The following ZNF609 variants were observed in gnomAD, a reference collection of about 807,000 sequenced individuals.
ZNF609 encodes zinc finger protein 609.
ZNF609 carries 11 observed loss-of-function variants against 109.5 expected under a neutral mutation model. The observed-to-expected ratio is 0.10, with a 90% CI of 0.06 to 0.17. The LOEUF (loss-of-function observed/expected upper bound fraction) is 0.17. ZNF609 is among the 10% of genes least tolerant of loss of function. The pLI is 1.00. For missense variants in ZNF609, 1,559 were observed against 1,772.4 expected (o/e 0.88, Z 2.16); for synonymous variants, 646 against 662.0 (o/e 0.98, Z 0.37).
chr15:64,529,720 G>A, intron 2 of ZNF609: 2 of 652,482 alleles, frequency 3.1e-6, no homozygotes, highest in Non-Finnish European at 5.7e-6. Context: ...GTGGCTGTCT[G>A]TCGAACAGGA....
intron 1 of ZNF609, among the ~76,000 whole-genome samples, chr15:64,483,566 A>T (rs999199084): frequency 6.6e-6 from 1 of 151,728 alleles, no homozygotes; most frequent in Non-Finnish European, 1.5e-5. Flanking sequence ...TTCTTATTTT[A>T]GTAGAGACAA....
rs376611348 is a variant in ZNF609, at chr15:64,673,951, G to A, written c.1097G>A (p.Arg366His). The change falls in exon 5 of 10, where the codon CGC becomes CAC. Residue 366 changes from arginine (R) to histidine (H), a missense_variant. Coordinates refer to ENST00000326648, the MANE Select transcript of ZNF609 (RefSeq NM_015042.2). The part of the protein sequence containing the change: ...CDSPTSDLEM[R>H]NGRGRGKRMR... ...TCCCCGACCAGTGACCTGGAAATGC[G>A]CAATGGCCGGGGTAGAGGCAAACGC... The A allele has an allele frequency of 3.1e-6, 5 of 1,613,114 alleles. No individual in the cohort carries two copies. Among genetic ancestry groups the A allele is most frequent in the East Asian group, 4.5e-5 (2 of 44,858 alleles).
At chr15:64,506,723 G>GAA (rs5813307) in intron 2 of ZNF609, among the ~76,000 whole-genome samples, 288 of 146,102 alleles carry the variant, frequency 2.0e-3, no homozygotes, top group Middle Eastern at 3.5e-3. Context: ...TCTGTCTCAA[G>GAA]AAAAAAAAAA....
At chr15:64,525,968 T>C (rs1893962565) in intron 2 of ZNF609, among the ~76,000 whole-genome samples, 1 of 152,084 alleles carries the variant, frequency 6.6e-6, no homozygotes, top group Non-Finnish European at 1.5e-5. Flanking sequence ...TTTTGTATTT[T>C]TAGTAGAGCT....
chr15:64,651,357 A>G (rs1194311548), intron 3 of ZNF609, among the ~76,000 whole-genome samples: 1 of 152,188 alleles, frequency 6.6e-6, no homozygotes, highest in African/African-American at 2.4e-5. Flanking sequence ...ATACCACAAA[A>G]CAGCATAAGA....
chr15:64,474,856 G>A (rs1360829522), intron 1 of ZNF609, among the ~76,000 whole-genome samples: 2 of 152,086 alleles, frequency 1.3e-5, no homozygotes, highest in Non-Finnish European at 2.9e-5. Flanking sequence ...AATCTTCGAT[G>A]GTTCCCATTG....
chr15:64,557,194 T>C (rs1894603938), intron 2 of ZNF609, among the ~76,000 whole-genome samples: 2 of 151,168 alleles, frequency 1.3e-5, no homozygotes, highest in Non-Finnish European at 1.5e-5. Flanking sequence ...ATTCTTCTTT[T>C]TTTTTTTTTT....
intron 2 of ZNF609, among the ~76,000 whole-genome samples, chr15:64,507,936 A>C (rs1424157702): frequency 1.3e-5 from 2 of 152,236 alleles, no homozygotes; most frequent in African/African-American, 4.8e-5. Flanking sequence ...GAGCACCCAC[A>C]GAAGAACCTT....
chr15:64,569,923 G>A (rs900960940), intron 2 of ZNF609, among the ~76,000 whole-genome samples: 1 of 152,174 alleles, frequency 6.6e-6, no homozygotes, highest in African/African-American at 2.4e-5. Context: ...TCTTTCTGGT[G>A]TATTTTTTTA....
At position 64,617,958 on chromosome 15, in the gene ZNF609, G is replaced by A. The variant is rs529537934; in HGVS notation, c.748-4869G>A. On this transcript the variant is annotated intron_variant, in intron 2 of 9. Transcript: ENST00000326648. ...TGATGGCACTTCTTAGCATTTCAAAGACTGAGAATTAGCTTAACTTTTGTT... is the reference window on the plus strand; with the variant it reads ...TGATGGCACTTCTTAGCATTTCAAAAACTGAGAATTAGCTTAACTTTTGTT... Among the ~76,000 whole-genome samples, 5 of 152,226 alleles carry A rather than the reference G, an allele frequency of 3.3e-5. No individual in the cohort carries two copies. In the East Asian group the frequency reaches 7.7e-4, roughly 24 times the overall value.
chr15:64,546,878 C>A (rs1314996661), intron 2 of ZNF609, among the ~76,000 whole-genome samples: 2 of 150,846 alleles, frequency 1.3e-5, no homozygotes, highest in Non-Finnish European at 2.9e-5. Context: ...GCAAGCTCTG[C>A]CTCCCAGGTT....
At chr15:64,515,870 G>A (rs1157151412) in intron 2 of ZNF609, among the ~76,000 whole-genome samples, 7 of 151,888 alleles carry the variant, frequency 4.6e-5, no homozygotes, top group African/African-American at 9.7e-5. Flanking sequence ...CCTGGGAGGC[G>A]GGGGTTGCAG....
At chr15:64,518,181 G>C (rs1893841443) in intron 2 of ZNF609, among the ~76,000 whole-genome samples, 1 of 152,198 alleles carries the variant, frequency 6.6e-6, no homozygotes, top group South Asian at 2.1e-4. Context: ...GCACAGTGGT[G>C]GCCAGAGTAT....
At chr15:64,469,050 AAAAAAAC>A (rs1566991785) in intron 1 of ZNF609, among the ~76,000 whole-genome samples, 1 of 135,214 alleles carries the variant, frequency 7.4e-6, no homozygotes, top group African/African-American at 2.6e-5. Flanking sequence ...AAAAAAAAAA[AAAAAAAC>A]AACACAATTC....
chr15:64,604,806 A>AATTT (rs1208033736), intron 2 of ZNF609, among the ~76,000 whole-genome samples: 30 of 151,966 alleles, frequency 2.0e-4, no homozygotes, highest in African/African-American at 4.1e-4. Context: ...TATTTAATTT[A>AATTT]ATTTATTTAG....
intron 1 of ZNF609, among the ~76,000 whole-genome samples, chr15:64,464,498 C>T (rs1892984089): frequency 6.6e-6 from 1 of 152,162 alleles, no homozygotes; most frequent in East Asian, 1.9e-4. Context: ...ATGGGATTAG[C>T]CTGAGATGAG....
chr15:64,522,163 G>GT (rs1206101919), intron 2 of ZNF609, among the ~76,000 whole-genome samples: 1 of 152,156 alleles, frequency 6.6e-6, no homozygotes, highest in Non-Finnish European at 1.5e-5. Context: ...TGTCCACTCG[G>GT]TTTTCTGTTT....
chr15:64,480,689 T>C (rs1386177177), intron 1 of ZNF609, among the ~76,000 whole-genome samples: 1 of 152,098 alleles, frequency 6.6e-6, no homozygotes, highest in East Asian at 1.9e-4. Flanking sequence ...TAACAAGCAA[T>C]AGTAATGTTA....
At chr15:64,508,684 A>T (rs865854972) in intron 2 of ZNF609, among the ~76,000 whole-genome samples, 11,208 of 130,380 alleles carry the variant, frequency 0.086, 600 homozygotes, top group African/African-American at 0.1. Flanking sequence ...GACCCAGAAA[A>T]TTTTTTTTTT....
Sources: allele counts gnomAD v4.1 joint callset (sites outside exome capture counted in the v4.1 genomes callset), GRCh38; gene constraint gnomAD v4.1.1; transcripts MANE v1.5; gene names NCBI Gene and HGNC (gene_info 2026-07-23, HGNC 2026-07-21).